Variants in FMNL2 observed in about 807,000 individuals in gnomAD.
FMNL2 encodes the protein formin like 2, also known as formin-like protein 2.
FMNL2 carries 51 observed loss-of-function variants against 130.2 expected under a neutral mutation model. The observed-to-expected ratio is 0.39, with a 90% confidence interval of 0.31 to 0.49. FMNL2 has a LOEUF of 0.49. Among genes scored for constraint, FMNL2 ranks in the 20% least tolerant of loss-of-function variants. The pLI is 0.85. For missense variants in FMNL2, 977 were observed against 1,316.2 expected, an observed-to-expected ratio of 0.74 and a Z score of 3.99; for synonymous variants, 465 against 467.1, an observed-to-expected ratio of 1.00 and a Z score of 0.06.
At chr2:152,343,488 G>A (rs1287553318) in intron 1 of FMNL2, among the ~76,000 whole-genome samples, 1 of 152,050 alleles carries the variant, frequency 6.6e-6, no homozygotes, top group Non-Finnish European at 1.5e-5. Flanking sequence ...TAGAGACAAG[G>A]TTTCACCACA....
chr2:152,533,787 A>G (rs1210858849), intron 2 of FMNL2, among the ~76,000 whole-genome samples: 1 of 152,018 alleles, frequency 6.6e-6, no homozygotes, highest in Non-Finnish European at 1.5e-5. Context: ...TCTTGCAGGA[A>G]TTTTTTGACA....
intron 3 of FMNL2, among the ~76,000 whole-genome samples, chr2:152,543,649 T>C (rs890327271): frequency 4.6e-5 from 7 of 151,250 alleles, no homozygotes; most frequent in African/African-American, 1.7e-4. Flanking sequence ...TTCAGGGCTC[T>C]TGATGCTTGC....
At chr2:152,457,186 T>TAA (rs369227444) in intron 1 of FMNL2, among the ~76,000 whole-genome samples, 7 of 140,990 alleles carry the variant, frequency 5.0e-5, no homozygotes, top group Admixed American at 7.2e-5. Context: ...AGGGAGATGG[T>TAA]AAAAAAAAAA....
chr2:152,531,484 T>A (rs1368357447), intron 2 of FMNL2, among the ~76,000 whole-genome samples: 7 of 151,458 alleles, frequency 4.6e-5, no homozygotes, highest in Non-Finnish European at 8.9e-5. Flanking sequence ...AGATCTTTTT[T>A]TTTTTCTTGA....
At chr2:152,618,782 A>G (rs188159934) in intron 13 of FMNL2, 64 bp from the exon 14 acceptor site, 225 of 1,415,964 alleles carry the variant, frequency 1.6e-4, no homozygotes, top group Middle Eastern at 3.8e-4. Context: ...CAGTTTGCCA[A>G]TCTGATGCTA....
intron 1 of FMNL2, among the ~76,000 whole-genome samples, chr2:152,421,459 C>T (rs1686918575): frequency 6.6e-6 from 1 of 152,144 alleles, no homozygotes; most frequent in African/African-American, 2.4e-5. Flanking sequence ...AACTCAAGTG[C>T]AATTGTGAGA....
chr2:152,467,563 A>G (rs1338363368), intron 1 of FMNL2, among the ~76,000 whole-genome samples: 1 of 152,150 alleles, frequency 6.6e-6, no homozygotes, highest in Non-Finnish European at 1.5e-5. Flanking sequence ...GTTACGCTGC[A>G]TCTTTTGATG....
At chr2:152,427,757 C>G (rs1010817853) in intron 1 of FMNL2, among the ~76,000 whole-genome samples, 1 of 152,038 alleles carries the variant, frequency 6.6e-6, no homozygotes, top group African/African-American at 2.4e-5. Flanking sequence ...TTGAGATAAC[C>G]TCTATGAAGC....
At chr2:152,511,161 T>C (rs1450382325) in intron 1 of FMNL2, among the ~76,000 whole-genome samples, 2 of 152,148 alleles carry the variant, frequency 1.3e-5, no homozygotes, top group African/African-American at 2.4e-5. Context: ...CCATTTTATA[T>C]TCCCAATAAC....
At chr2:152,642,520 G>A (rs1350565583) in intron 25 of FMNL2, among the ~76,000 whole-genome samples, 1 of 152,212 alleles carries the variant, frequency 6.6e-6, no homozygotes, top group African/African-American at 2.4e-5. Context: ...AGTGTACATA[G>A]TGCAGTGGCT....
intron 1 of FMNL2, among the ~76,000 whole-genome samples, chr2:152,345,466 G>A (rs1682063468): frequency 6.6e-6 from 1 of 152,186 alleles, no homozygotes; most frequent in African/African-American, 2.4e-5. Flanking sequence ...GTTTTGCCCA[G>A]TGAGTTCAGT....
At chr2:152,518,312 C>T (rs1692890879) in intron 1 of FMNL2, among the ~76,000 whole-genome samples, 1 of 152,160 alleles carries the variant, frequency 6.6e-6, no homozygotes, top group African/African-American at 2.4e-5. Flanking sequence ...AGGCTTGGCT[C>T]ATGGAAGGGG....
At chr2:152,521,627 C>T (rs751763074) in intron 1 of FMNL2, among the ~76,000 whole-genome samples, 7 of 152,030 alleles carry the variant, frequency 4.6e-5, no homozygotes, top group Non-Finnish European at 1.0e-4. Context: ...AATTGGATAC[C>T]TTGTGACCTT....
At chr2:152,410,075 T>C (rs1686200742) in intron 1 of FMNL2, among the ~76,000 whole-genome samples, 1 of 152,130 alleles carries the variant, frequency 6.6e-6, no homozygotes, top group Admixed American at 6.5e-5. Flanking sequence ...GTCTCGGTCA[T>C]GTTTATGGAC....
rs1681344820 is a variant in FMNL2 at position 152,335,484 on chromosome 2, G to T, written c.-120G>T. The T allele has an allele frequency of 5.0e-6, 3 of 594,898 alleles. No individual in the cohort carries two copies. Among genetic ancestry groups the T allele is most frequent in the Non-Finnish European group, 7.7e-6 (3 of 390,838 alleles). 36.9% of individuals were successfully genotyped at this position (594,898 alleles called of 1,614,324 possible). A position where few individuals can be genotyped will look rare whatever the true frequency, so the allele number is the denominator to read the frequency against. ...GCCGCACACCCGCCTGGGCGCGGCG[G>T]AGGGCGGGGAGCCGGGCAGGTCGCG... On this transcript the variant is annotated 5_prime_UTR_variant, in exon 1 of 26. Transcript: ENST00000288670.
chr2:152,444,848 T>G (rs1355618561), intron 1 of FMNL2, among the ~76,000 whole-genome samples: 2 of 152,212 alleles, frequency 1.3e-5, no homozygotes, highest in Non-Finnish European at 2.9e-5. Flanking sequence ...TGAGGTCATA[T>G]GACCATCAAT....
At chr2:152,390,639 G>T (rs564035109) in intron 1 of FMNL2, 3 of 906,106 alleles carry the variant, frequency 3.3e-6, no homozygotes, top group African/African-American at 1.6e-5. Context: ...CAACTAGCCC[G>T]TGCTTTTTCC....
At chr2:152,350,296 T>C (rs1394658599) in intron 1 of FMNL2, among the ~76,000 whole-genome samples, 1 of 152,124 alleles carries the variant, frequency 6.6e-6, no homozygotes, top group African/African-American at 2.4e-5. Context: ...TGGGATATAC[T>C]CAGCCCAGAC....
chr2:152,452,442 A>G (rs1040198352), intron 1 of FMNL2, among the ~76,000 whole-genome samples: 1 of 152,118 alleles, frequency 6.6e-6, no homozygotes, highest in Admixed American at 6.5e-5. Context: ...TTGTCACCTT[A>G]CTGTTGTAGG....
Sources: allele counts gnomAD v4.1 joint callset (sites outside exome capture counted in the v4.1 genomes callset), GRCh38; gene constraint gnomAD v4.1.1; transcripts MANE v1.5; gene names NCBI Gene and HGNC (gene_info 2026-07-23, HGNC 2026-07-21).